SYTL3: variants seen among roughly 807,000 people sequenced by gnomAD.
SYTL3 encodes the protein synaptotagmin like 3, also known as synaptotagmin-like protein 3.
Under a neutral mutation model 82.1 loss-of-function variants are expected in SYTL3, and 88 were observed. The observed-to-expected ratio is 1.07, with a 90% confidence interval of 0.90 to 1.28. SYTL3 has a LOEUF of 1.28. SYTL3 is among the 50% of genes most tolerant of loss of function. SYTL3 has a pLI of 0.00. For synonymous variants in SYTL3, 311 were observed against 289.4 expected, an observed-to-expected ratio of 1.07 and a Z score of -0.76; for missense variants, 831 against 757.6, an observed-to-expected ratio of 1.10 and a Z score of -1.14.
At chr6:158,732,775 G>A (rs753777512) in intron 11 of SYTL3, among the ~76,000 whole-genome samples, 42 of 152,222 alleles carry the variant, frequency 2.8e-4, no homozygotes, top group Non-Finnish European at 5.9e-4. Flanking sequence ...CCAAGTGAAC[G>A]TATGTTAGTA....
rs537875491 is a variant in SYTL3, at chr6:158,717,199, AGGAGGC to A, written c.596-882_596-877del. On this transcript the variant is annotated intron_variant, in intron 9 of 17. Coordinates refer to ENST00000611299, the MANE Select transcript of SYTL3 (RefSeq NM_001242394.2). ...TGAGGCATGAGAATCACTTGAACCC[AGGAGGC>A]GGAGGTTGCAGTGAGCCAAGATCAC... is the stretch of plus-strand genomic sequence containing the variant. Among the ~76,000 whole-genome samples, 29 of 152,266 alleles carry A rather than the reference AGGAGGC, an allele frequency of 1.9e-4. No individual in the cohort carries two copies. The East Asian group carries it at 5.4e-3, about 28-fold the overall frequency.
At chr6:158,708,695 G>A (rs1782403789) in intron 8 of SYTL3, among the ~76,000 whole-genome samples, 1 of 152,184 alleles carries the variant, frequency 6.6e-6, no homozygotes, top group Non-Finnish European at 1.5e-5. Flanking sequence ...CTGGGCGTGT[G>A]TGTAGAGTCT....
rs71297002 is a variant in SYTL3 at position 158,680,575 on chromosome 6, C to CAAAAAAA, written c.330-2337_330-2331dup. On this transcript the variant is annotated intron_variant, in intron 5 of 17. Transcript: ENST00000611299. ...GCAACATAGCAAAACCCCGTCTCTA[C>CAAAAAAA]AAAAAAAAAAAAAAAAAAACACAAA... Among the ~76,000 whole-genome samples, 82 of 77,904 alleles carry CAAAAAAA rather than the reference C, an allele frequency of 1.1e-3. 1 individual carries two copies. Among genetic ancestry groups the CAAAAAAA allele is most frequent in the East Asian group, 1.4e-3 (3 of 2,074 alleles). 51.1% of individuals were successfully genotyped at this position (77,904 alleles called of 152,430 possible). A position where few individuals can be genotyped will look rare whatever the true frequency, so the allele number is the denominator to read the frequency against.
intron 14 of SYTL3, 52 bp from the exon 15 acceptor site, chr6:158,760,588 G>T (rs868076070): frequency 6.6e-7 from 1 of 1,506,302 alleles, no homozygotes; most frequent in South Asian, 1.1e-5. Context: ...GAACCCAGAA[G>T]GTTCTTGGGA....
At chr6:158,709,584 C>T (rs914638966) in intron 8 of SYTL3, among the ~76,000 whole-genome samples, 16 of 151,882 alleles carry the variant, frequency 1.1e-4, no homozygotes, top group African/African-American at 3.1e-4. Flanking sequence ...CTTGGAAAAC[C>T]GTAAAGTGCC....
At chr6:158,701,732 C>T (rs1781329810) in intron 6 of SYTL3, among the ~76,000 whole-genome samples, 1 of 151,982 alleles carries the variant, frequency 6.6e-6, no homozygotes, top group East Asian at 1.9e-4. Context: ...AACAGAGTGC[C>T]ACAACCTGGG....
chr6:158,735,627 TA>T (rs1005878486), intron 11 of SYTL3, among the ~76,000 whole-genome samples: 5 of 152,014 alleles, frequency 3.3e-5, no homozygotes, highest in Admixed American at 2.0e-4. Context: ...AGGATCGGAG[TA>T]AAAACAAAAA....
intron 5 of SYTL3, among the ~76,000 whole-genome samples, chr6:158,667,712 T>C (rs1382449160): frequency 6.6e-6 from 1 of 152,108 alleles, no homozygotes; most frequent in Non-Finnish European, 1.5e-5. Context: ...GGAAAATTGG[T>C]TTTTAAAATC....
chr6:158,699,256 A>T (rs1780893145), intron 6 of SYTL3, among the ~76,000 whole-genome samples: 1 of 152,128 alleles, frequency 6.6e-6, no homozygotes, highest in South Asian at 2.1e-4. Flanking sequence ...TTCCCCGTGA[A>T]CCAAGTCACC....
Position 158,663,283 on chromosome 6 carries a change from A to G in SYTL3, c.15A>G (p.Ile5Met), listed in dbSNP as rs144534535. Residue 5 changes from isoleucine to methionine, a missense_variant, in exon 4 of 18, where the codon ATA becomes ATG. Coordinates refer to ENST00000611299, the MANE Select transcript of SYTL3 (RefSeq NM_001242394.2). ...ACGGAGAAGAAATGGCCCAAGAAAT[A>G]GATCTGAGTGCTCTCAAGGAGTTAG... Reference protein sequence around the residue: MAQEIDLSALKELER... With the variant: MAQEMDLSALKELER... 1 of 1,614,112 alleles carries G rather than the reference A, an allele frequency of 6.2e-7. No individual in the cohort carries two copies. Among genetic ancestry groups the G allele is most frequent in the Non-Finnish European group, 8.5e-7 (1 of 1,180,016 alleles).
rs776319739 is a variant in SYTL3 at position 158,763,291 on chromosome 6, GTTCCC to G, written c.1518-11_1518-7del. On this transcript the variant is annotated splice_region_variant and splice_polypyrimidine_tract_variant and intron_variant, in intron 16 of 17. Transcript: ENST00000611299. The stretch of plus-strand genomic sequence containing the variant: ...GGATGGCAATGATTGCAGGGTTTGT[GTTCCC>G]TCTTCAGCTGTCTCACTCTGCCAGA... 6.2e-7 allele frequency: 1 copy of G among 1,613,712 alleles called. No individual in the cohort carries two copies. Among genetic ancestry groups the G allele is most frequent in the South Asian group, 1.1e-5 (1 of 91,062 alleles).
intron 2 of SYTL3, among the ~76,000 whole-genome samples, chr6:158,657,465 A>G (rs921827038): frequency 1.3e-5 from 2 of 151,668 alleles, no homozygotes; most frequent in East Asian, 3.8e-4. Context: ...AAGAAAAAAG[A>G]AAAAAAGAGA....
At chr6:158,666,520 C>T (rs1419297101) in intron 5 of SYTL3, among the ~76,000 whole-genome samples, 5 of 152,196 alleles carry the variant, frequency 3.3e-5, no homozygotes, top group Admixed American at 3.3e-4. Context: ...AGGGGTGACT[C>T]CGTCTGCTGG....
chr6:158,699,201 T>G (rs149194921), intron 6 of SYTL3, among the ~76,000 whole-genome samples: 7 of 152,184 alleles, frequency 4.6e-5, no homozygotes, highest in Non-Finnish European at 1.5e-5. Flanking sequence ...GGCGGGCTGA[T>G]GGAGTCACTG....
intron 6 of SYTL3, among the ~76,000 whole-genome samples, chr6:158,693,355 T>C (rs1780127939): frequency 1.3e-5 from 2 of 152,078 alleles, no homozygotes; most frequent in Non-Finnish European, 2.9e-5. Context: ...GTAGCTGGGA[T>C]CACAGGCATG....
At chr6:158,671,018 A>G (rs550310162) in intron 5 of SYTL3, among the ~76,000 whole-genome samples, 4 of 151,650 alleles carry the variant, frequency 2.6e-5, no homozygotes, top group Non-Finnish European at 5.9e-5. Context: ...GTTAGCCAGG[A>G]TGGTCTTGAT....
chr6:158,729,180 A>G (rs532138321), intron 11 of SYTL3, among the ~76,000 whole-genome samples: 37 of 152,216 alleles, frequency 2.4e-4, no homozygotes, highest in Admixed American at 1.3e-4. Context: ...TAGTCCATCC[A>G]TGTTGCTGTA....
chr6:158,746,459 A>AT (rs1554263762), intron 12 of SYTL3, among the ~76,000 whole-genome samples: 4,010 of 141,994 alleles, frequency 0.028, 78 homozygotes, highest in South Asian at 0.059. Flanking sequence ...AATAATAATA[A>AT]TATTATTATT....
At chr6:158,663,967 C>G (rs894585242) in intron 4 of SYTL3, among the ~76,000 whole-genome samples, 1 of 152,054 alleles carries the variant, frequency 6.6e-6, no homozygotes, top group South Asian at 2.1e-4. Context: ...CTAAGCTGCA[C>G]GGGCCGTTTG....
Sources: gnomAD v4.1 joint callset for allele counts (sites outside exome capture counted in the v4.1 genomes callset) on GRCh38, gnomAD v4.1.1 for gene constraint, MANE v1.5 for transcripts, NCBI Gene and HGNC (gene_info 2026-07-23, HGNC 2026-07-21) for gene names.